The following DEPDC5 variants were observed in gnomAD, a reference collection of about 807,000 sequenced individuals.
DEPDC5 encodes the protein GATOR1 complex protein DEPDC5.
Under a neutral mutation model 217.3 loss-of-function variants are expected in DEPDC5, and 73 were observed. The observed-to-expected ratio is 0.34, with a 90% CI of 0.28 to 0.41. DEPDC5 has a LOEUF of 0.41. DEPDC5 is among the 10% of genes least tolerant of loss of function. The probability of loss-of-function intolerance (pLI) is 1.00; values close to 1 mark genes in which losing one functional copy is unlikely to be tolerated. For missense variants in DEPDC5, 1,675 were observed against 2,070.1 expected (o/e 0.81, Z 3.70); for synonymous variants, 733 against 756.7 (o/e 0.97, Z 0.51).
intron 10 of DEPDC5, chr22:31,785,204 A>G (rs535761819): frequency 5.4e-6 from 1 of 184,196 alleles, no homozygotes; most frequent in Non-Finnish European, 1.1e-5. Flanking sequence ...AAAGGCATCC[A>G]AATCGAAAAA....
At chr22:31,864,501 A>T (rs1268527311) in intron 33 of DEPDC5, among the ~76,000 whole-genome samples, 2 of 123,150 alleles carry the variant, frequency 1.6e-5, no homozygotes, top group African/African-American at 6.2e-5. Flanking sequence ...TCTTCATTAA[A>T]ATATATATAT....
chr22:31,873,582 G>C (rs1029172233), intron 35 of DEPDC5, among the ~76,000 whole-genome samples: 5 of 151,700 alleles, frequency 3.3e-5, no homozygotes, highest in Non-Finnish European at 7.4e-5. Context: ...CGCCATCTTG[G>C]CTCACCCAAC....
intron 36 of DEPDC5, among the ~76,000 whole-genome samples, 200 bp downstream of exon 36, chr22:31,874,605 GT>G (rs1187919668): frequency 6.6e-6 from 1 of 152,154 alleles, no homozygotes; most frequent in Non-Finnish European, 1.5e-5. Flanking sequence ...CTTAAAAACC[GT>G]GCAGAATTTA....
In DEPDC5 at chr22:31,843,113, G is replaced by A. The variant is rs1396979413; in HGVS notation, c.2534G>A (p.Arg845His). 17 of 1,613,598 alleles carry A rather than the reference G, an allele frequency of 1.1e-5. No homozygotes were observed. Among genetic ancestry groups the A allele is most frequent in the South Asian group, 6.6e-5 (6 of 90,962 alleles). ...LYSRGLVSRN[R>H]PEEEDQYWLS... Reference sequence around the variant, plus strand: ...CTGTTAGGCCTTGTGTCCCGAAACCGCCCTGAGGAGGAGGACCAGTATTGG... The same window carrying A: ...CTGTTAGGCCTTGTGTCCCGAAACCACCCTGAGGAGGAGGACCAGTATTGG... The change falls in exon 28 of 43, where the codon CGC becomes CAC. Residue 845 changes from arginine to histidine, a missense_variant. Physicochemically the swap from Arg to His is conservative, Grantham distance 29. Coordinates refer to ENST00000651528, the MANE Select transcript of DEPDC5 (RefSeq NM_001242896.3).
intron 7 of DEPDC5, chr22:31,769,577 ATATTT>A (rs1275242601): frequency 1.5e-4 from 23 of 152,274 alleles, no homozygotes; most frequent in South Asian, 1.0e-3. Context: ...AACTATTTCT[ATATTT>A]TAGTTTGTGA....
chr22:31,826,735 G>T (rs1226770370), intron 24 of DEPDC5, among the ~76,000 whole-genome samples: 1 of 152,084 alleles, frequency 6.6e-6, no homozygotes, highest in Admixed American at 6.5e-5. Flanking sequence ...CTCCTCACTA[G>T]ACTGAAAGAG....
chr22:31,847,082 G>A, intron 31 of DEPDC5, 115 bp downstream of exon 31: 1 of 1,456,484 alleles, frequency 6.9e-7, no homozygotes, highest in Middle Eastern at 1.8e-4. Flanking sequence ...TGTAATTAGG[G>A]AGAAGGCATT....
chr22:31,810,338 G>A (rs1030516285), intron 19 of DEPDC5, among the ~76,000 whole-genome samples, 183 bp from the exon 20 acceptor site: 8 of 152,056 alleles, frequency 5.3e-5, no homozygotes, highest in African/African-American at 1.7e-4. Context: ...TGAATAGGTC[G>A]TTATCCCATT....
At chr22:31,838,310 CTT>C (rs2091170120) in intron 26 of DEPDC5, among the ~76,000 whole-genome samples, 1 of 151,782 alleles carries the variant, frequency 6.6e-6, no homozygotes, top group Admixed American at 6.6e-5. Context: ...TTCTCTATCT[CTT>C]TTATATACTG....
rs985022526 is a variant in DEPDC5, at chr22:31,815,822, AC to A, written c.1666+612del. ...GAGATTACAGGCATGAACCAATGTTACCGCACCCTGCCTCTATTATACTATT... is the reference window on the plus strand; with the variant it reads ...GAGATTACAGGCATGAACCAATGTTACGCACCCTGCCTCTATTATACTATT... On this transcript the variant is annotated intron_variant, in intron 21 of 42. Coordinates refer to ENST00000651528, the MANE Select transcript of DEPDC5 (RefSeq NM_001242896.3). The A allele has an allele frequency of 1.2e-5, 14 of 1,202,874 alleles. No individual in the cohort carries two copies. The African/African-American group carries it at 2.1e-4, about 18-fold the overall frequency. 74.5% of individuals were successfully genotyped at this position (1,202,874 alleles called of 1,614,324 possible).
In DEPDC5 at chr22:31,874,328, A is replaced by G; in HGVS notation, c.3619A>G (p.Ser1207Gly). The G allele has an allele frequency of 6.2e-7, 1 of 1,609,910 alleles. No homozygotes were observed. The highest frequency in any genetic ancestry group is 8.5e-7 in the Non-Finnish European group (1 of 1,178,138). Residue 1207 changes from serine (S) to glycine (G), a missense_variant, in exon 36 of 43, where the codon AGC (serine) becomes GGC (glycine). Physicochemically the swap from Ser to Gly is moderately conservative, Grantham distance 56. Around this residue, in one of 11 missense-constraint regions of DEPDC5, gnomAD observed 194 missense variants for 199.3 expected, o/e 0.97. Coordinates refer to ENST00000651528, the MANE Select transcript of DEPDC5 (RefSeq NM_001242896.3). ...QKGLSPYCFI[S>G]AEVVHWLVNH... ...GGGCCTCTCACCGTACTGCTTCATC[A>G]GCGCGGAGGTGGTACACTGGTTGGT...
At chr22:31,764,076 C>T (rs62238891) in intron 4 of DEPDC5, among the ~76,000 whole-genome samples, 159 of 152,018 alleles carry the variant, frequency 1.0e-3, no homozygotes, top group Non-Finnish European at 1.5e-3. Flanking sequence ...ACTACAGGTG[C>T]GCACCACGAC....
chr22:31,818,686 T>C (rs1014212694), intron 21 of DEPDC5, among the ~76,000 whole-genome samples: 1 of 152,208 alleles, frequency 6.6e-6, no homozygotes, highest in African/African-American at 2.4e-5. Flanking sequence ...TACTCGTTCC[T>C]TTCCCAAGGG....
intron 10 of DEPDC5, among the ~76,000 whole-genome samples, chr22:31,787,548 T>C (rs2085132456): frequency 1.3e-5 from 2 of 152,096 alleles, no homozygotes; most frequent in African/African-American, 4.8e-5. Flanking sequence ...GGCTCACACC[T>C]TTAATCCCAG....
At chr22:31,848,561 G>A (rs1377988536) in intron 31 of DEPDC5, among the ~76,000 whole-genome samples, 2 of 152,070 alleles carry the variant, frequency 1.3e-5, no homozygotes, top group Non-Finnish European at 2.9e-5. Flanking sequence ...GGGATGCAGT[G>A]CACGGAGTCC....
intron 21 of DEPDC5, among the ~76,000 whole-genome samples, chr22:31,818,522 A>G (rs1224939848): frequency 6.6e-6 from 1 of 152,176 alleles, no homozygotes; most frequent in East Asian, 1.9e-4. Flanking sequence ...GAACTAAGTC[A>G]TTTGGCTTTA....
chr22:31,812,921 G>C (rs2088604895), intron 20 of DEPDC5, among the ~76,000 whole-genome samples: 1 of 151,886 alleles, frequency 6.6e-6, no homozygotes, highest in Admixed American at 6.6e-5. Flanking sequence ...TGTATTTTTA[G>C]TAGAGACGGG....
intron 27 of DEPDC5, among the ~76,000 whole-genome samples, chr22:31,841,217 G>A (rs1486029159): frequency 6.6e-6 from 1 of 152,244 alleles, no homozygotes; most frequent in African/African-American, 2.4e-5. Context: ...AGTAGCTTCT[G>A]TTTTGTATGC....
Position 31,843,787 on chromosome 22 carries a change from T to C in DEPDC5, c.2776T>C (p.Cys926Arg). The C allele has an allele frequency of 6.2e-7, 1 of 1,608,454 alleles. No individual in the cohort carries two copies. The highest frequency in any genetic ancestry group is 1.3e-5 in the African/African-American group (1 of 74,964). ...YKWNYLDQYI[C>R]SAGSEDFSLI... is the part of the protein sequence containing the mutation. ...GTGGAATTACTTAGATCAGTATATC[T>C]GTTCTGCCGGCTCTGAAGACTTCAG... The change falls in exon 29 of 43, where the codon TGT (cysteine) becomes CGT (arginine). Residue 926 changes from cysteine (C) to arginine (R), a missense_variant. This residue lies in a region of DEPDC5 where 293 missense variants were observed against 386.1 expected (regional missense o/e 0.76). Coordinates refer to ENST00000651528, the MANE Select transcript of DEPDC5 (RefSeq NM_001242896.3).
Sources: gnomAD v4.1 joint callset for allele counts (sites outside exome capture counted in the v4.1 genomes callset) on GRCh38, gnomAD v4.1.1 for gene constraint, gnomAD v4.1.1 regional missense constraint, MANE v1.5 for transcripts, NCBI Gene and HGNC (gene_info 2026-07-23, HGNC 2026-07-21) for gene names.